The following VPS13D variants were observed in gnomAD, a reference collection of about 807,000 sequenced individuals.
VPS13D encodes vacuolar protein sorting 13 homolog D, also known as intermembrane lipid transfer protein VPS13D.
In VPS13D, 187 loss-of-function variants were observed where a neutral mutation model predicts 461.9. The ratio of observed to expected loss-of-function variants is 0.40; its 90% CI spans 0.36 to 0.46. The LOEUF is 0.46. Among genes scored for constraint, VPS13D ranks in the 20% least tolerant of loss-of-function variants. The pLI is 0.60. For missense variants in VPS13D, 4,711 were observed against 5,364.9 expected (o/e 0.88, Z 3.81); for synonymous variants, 1,951 against 1,986.3 (o/e 0.98, Z 0.47).
At chr1:12,341,644 C>T in intron 40 of VPS13D, 136 bp from the exon 41 acceptor site, 1 of 711,510 alleles carries the variant, frequency 1.4e-6, no homozygotes, top group Non-Finnish European at 2.4e-6. Flanking sequence ...TTCCATTTGT[C>T]CTGTTCCTTC....
At chr1:12,360,808 T>G (rs1433369063) in intron 50 of VPS13D, among the ~76,000 whole-genome samples, 2 of 152,224 alleles carry the variant, frequency 1.3e-5, no homozygotes, top group East Asian at 3.9e-4. Context: ...TCAAGCCAGT[T>G]TAAGTGAATT....
chr1:12,352,789 C>A (rs372792382), intron 46 of VPS13D, among the ~76,000 whole-genome samples: 131 of 151,886 alleles, frequency 8.6e-4, no homozygotes, highest in African/African-American at 2.9e-3. Flanking sequence ...CATGGTAAAA[C>A]CCCGTCTCTA....
chr1:12,341,392 T>A (rs1643564560), intron 40 of VPS13D, among the ~76,000 whole-genome samples: 1 of 152,240 alleles, frequency 6.6e-6, no homozygotes, highest in South Asian at 2.1e-4. Flanking sequence ...TAAAGGCTTT[T>A]TGGACAAAGT....
chr1:12,462,609 A>G (rs1364198897), intron 67 of VPS13D, among the ~76,000 whole-genome samples: 1 of 152,240 alleles, frequency 6.6e-6, no homozygotes, highest in Non-Finnish European at 1.5e-5. Context: ...CCCTGTGCCC[A>G]GCACCACTGC....
At chr1:12,459,260 G>A (rs1645371452) in intron 66 of VPS13D, among the ~76,000 whole-genome samples, 2 of 152,190 alleles carry the variant, frequency 1.3e-5, no homozygotes, top group African/African-American at 4.8e-5. Flanking sequence ...GAAGTGATAT[G>A]TGGGCATCGT....
At chr1:12,497,425 TG>T in intron 67 of VPS13D, 74 bp from the exon 68 acceptor site, 1 of 1,527,382 alleles carries the variant, frequency 6.5e-7, no homozygotes, top group Middle Eastern at 1.8e-4. Context: ...AGAGTGCTTT[TG>T]TCTTAGTGAG....
Position 12,283,735 on chromosome 1 carries a change from A to G in VPS13D, c.5633A>G (p.Lys1878Arg), listed in dbSNP as rs764914490. 11 of 1,610,278 alleles carry G rather than the reference A, an allele frequency of 6.8e-6. No homozygotes were observed. The highest frequency in any genetic ancestry group is 1.1e-5 in the South Asian group (1 of 90,912). Residue 1878 changes from lysine to arginine, a missense_variant and splice_region_variant, in exon 21 of 70, where the codon AAG becomes AGG. By Grantham distance (26) the Lys-to-Arg change is conservative. Around this residue, in one of 3 missense-constraint regions of VPS13D, gnomAD observed 4,411 missense variants for 4,937.8 expected, o/e 0.89. Coordinates refer to ENST00000620676, the MANE Select transcript of VPS13D (RefSeq NM_015378.4). ...QDPVNTKLDL[K>R]VHSLSLVLNK... Reference sequence around the variant, plus strand: ...CCAGTGAACACCAAACTGGATCTCAAGGTATCCTCAGTTCCCTTTGGCTCC... The same window carrying G: ...CCAGTGAACACCAAACTGGATCTCAGGGTATCCTCAGTTCCCTTTGGCTCC...
chr1:12,319,404 C>G, intron 31 of VPS13D, 93 bp from the exon 32 acceptor site: 3 of 1,548,606 alleles, frequency 1.9e-6, no homozygotes, highest in Admixed American at 3.6e-5. Context: ...CATGTTGTTG[C>G]CTGGTGGAAA....
chr1:12,338,749 T>G (rs1377423624), intron 40 of VPS13D, among the ~76,000 whole-genome samples: 1 of 152,210 alleles, frequency 6.6e-6, no homozygotes, highest in Admixed American at 6.5e-5. Flanking sequence ...AAAAAAATTC[T>G]CAGTAAATAA....
intron 44 of VPS13D, 23 bp from the exon 45 acceptor site, chr1:12,348,800 T>A: frequency 6.2e-7 from 1 of 1,611,702 alleles, no homozygotes; most frequent in Non-Finnish European, 8.5e-7. Flanking sequence ...CATAACTATT[T>A]TGTCTTTATC....
intron 60 of VPS13D, among the ~76,000 whole-genome samples, chr1:12,393,712 G>A (rs1462107986): frequency 6.6e-6 from 1 of 152,170 alleles, no homozygotes; most frequent in African/African-American, 2.4e-5. Flanking sequence ...TTTCTAGGTA[G>A]AGGCAGCTCT....
rs939218443 is a variant in VPS13D, at chr1:12,502,788, G to A, written c.12795-4065G>A. Among the ~76,000 whole-genome samples, 2 of 152,116 alleles carry A rather than the reference G, an allele frequency of 1.3e-5. No individual in the cohort carries two copies. Among genetic ancestry groups the A allele is most frequent in the Admixed American group, 1.3e-4 (2 of 15,272 alleles). The stretch of plus-strand genomic sequence containing the variant: ...TCTCTCTCCAATCTGCTGATGAGAG[G>A]ATGTGTGGGGAAAGGAGGGGTCATC... On this transcript the variant is annotated intron_variant, in intron 68 of 69. Transcript: ENST00000620676. This position sits in a 1 kb window ranked among gnomAD's most constrained non-coding sequence, Gnocchi z 4.3.
At position 12,315,856 on chromosome 1, in the gene VPS13D, G is replaced by A. The variant is rs373272367; in HGVS notation, c.7148+1529G>A. Among the ~76,000 whole-genome samples the A allele has an allele frequency of 1.3e-4, 19 of 151,346 alleles. 1 individual carries two copies. The highest frequency in any genetic ancestry group is 3.4e-3 in the Middle Eastern group (1 of 294). On this transcript the variant is annotated intron_variant, in intron 30 of 69. Transcript: ENST00000620676. ...TTTTGAGACGTAGTCTCACTCTGTCGCCTAGGCTGGAGTGCAGTGGCACGA... is the reference window on the plus strand; with the variant it reads ...TTTTGAGACGTAGTCTCACTCTGTCACCTAGGCTGGAGTGCAGTGGCACGA...
intron 5 of VPS13D, among the ~76,000 whole-genome samples, chr1:12,247,856 A>G (rs1640609240): frequency 6.7e-6 from 1 of 150,212 alleles, no homozygotes; most frequent in African/African-American, 2.5e-5. Flanking sequence ...GGCCTGCGCT[A>G]TCATGCCTGG....
Position 12,343,061 on chromosome 1 carries a change from GGT to G in VPS13D, c.8885+11_8885+12del. 1.1e-5 allele frequency: 18 copies of G among 1,589,202 alleles called. No homozygotes were observed. Among genetic ancestry groups the G allele is most frequent in the Non-Finnish European group, 1.5e-5 (17 of 1,162,640 alleles). On this transcript the variant is annotated intron_variant, in intron 42 of 69. Transcript: ENST00000620676. The stretch of plus-strand genomic sequence containing the variant: ...GAAAGTTAAGACACAGGTAAAGTAT[GGT>G]TTATTCTTTTCTTTAAAAAAAAGAA...
At chr1:12,431,120 A>T (rs889203820) in intron 65 of VPS13D, among the ~76,000 whole-genome samples, 1 of 152,242 alleles carries the variant, frequency 6.6e-6, no homozygotes, top group African/African-American at 2.4e-5. Flanking sequence ...TGAGAAGCCT[A>T]GTTTTAATAA....
Position 12,277,925 on chromosome 1 carries a change from G to C in VPS13D, c.4337G>C (p.Gly1446Ala). 6.2e-7 allele frequency: 1 copy of C among 1,614,170 alleles called. No homozygotes were observed. The highest frequency in any genetic ancestry group is 8.5e-7 in the Non-Finnish European group (1 of 1,180,022). ...CTQLAGREAVGSEGSRMFCPP... is the reference protein window; with the variant it reads ...CTQLAGREAVASEGSRMFCPP... The stretch of plus-strand genomic sequence containing the variant: ...CAGTTGGCAGGTAGAGAAGCTGTTG[G>C]GTCTGAAGGAAGCCGGATGTTTTGC... The change falls in exon 19 of 70, where the codon GGG becomes GCG. Residue 1446 changes from glycine to alanine, a missense_variant. Coordinates refer to ENST00000620676, the MANE Select transcript of VPS13D (RefSeq NM_015378.4).
intron 21 of VPS13D, 114 bp downstream of exon 21, chr1:12,283,850 C>A: frequency 4.5e-6 from 5 of 1,106,930 alleles, no homozygotes; most frequent in Non-Finnish European, 6.3e-6. Flanking sequence ...GGCAGGGGAG[C>A]TATCTAGTCT....
At chr1:12,490,098 A>T (rs893189496) in intron 67 of VPS13D, among the ~76,000 whole-genome samples, 1 of 152,152 alleles carries the variant, frequency 6.6e-6, no homozygotes, top group African/African-American at 2.4e-5. Flanking sequence ...CTTCTTCAGG[A>T]CCTAGTGCTG....
Sources: gnomAD v4.1 joint callset for allele counts (sites outside exome capture counted in the v4.1 genomes callset) on GRCh38, gnomAD v4.1.1 for gene constraint, gnomAD v4.1.1 regional missense constraint, Gnocchi (gnomAD v3.1) non-coding constraint, MANE v1.5 for transcripts, NCBI Gene and HGNC (gene_info 2026-07-23, HGNC 2026-07-21) for gene names.